The following CPNE9 variants were observed in gnomAD, a reference collection of about 807,000 sequenced individuals.
The protein encoded by CPNE9 is copine-9.
Under a neutral mutation model 83.0 loss-of-function variants are expected in CPNE9, and 59 were observed. That is an observed-to-expected ratio of 0.71 (90% CI 0.58 to 0.88). CPNE9 has a LOEUF of 0.88. CPNE9 is among the 40% of genes least tolerant of loss of function. CPNE9 has a pLI of 0.00. For missense variants in CPNE9, 619 were observed against 720.8 expected (o/e 0.86, Z 1.62); for synonymous variants, 256 against 273.4 (o/e 0.94, Z 0.63).
rs1219234003 is a variant in CPNE9, at chr3:9,705,498, C to A, written c.295C>A (p.Pro99Thr). 3 of 1,366,210 alleles carry A rather than the reference C, an allele frequency of 2.2e-6. No individual in the cohort carries two copies. Among genetic ancestry groups the A allele is most frequent in the African/African-American group, 3.1e-5 (2 of 64,564 alleles). 84.6% of individuals were successfully genotyped at this position (1,366,210 alleles called of 1,614,324 possible). A position where few individuals can be genotyped will look rare whatever the true frequency, so the allele number is the denominator to read the frequency against. Residue 99 changes from proline (P) to threonine (T), a missense_variant and splice_region_variant, in exon 5 of 21, where the codon CCG (proline) becomes ACG (threonine). By Grantham distance (38) the Pro-to-Thr change is conservative. This residue lies in a region of CPNE9 where 438 missense variants were observed against 562.9 expected (regional missense o/e 0.78). Coordinates refer to ENST00000383832, the MANE Select transcript of CPNE9 (RefSeq NM_153635.3). The part of the protein sequence containing the change: ...NVDSKTNISK[P>T]KDFLGQAFLA... Reference sequence around the variant, plus strand: ...GGACTCCAAAACCAACATCTCCAAACCGGTGAGCAAACGTTTCCTCGAGGG... The same window carrying A: ...GGACTCCAAAACCAACATCTCCAAAACGGTGAGCAAACGTTTCCTCGAGGG...
intron 17 of CPNE9, among the ~76,000 whole-genome samples, chr3:9,724,336 G>C (rs1171602747): frequency 6.6e-6 from 1 of 152,142 alleles, no homozygotes; most frequent in African/African-American, 2.4e-5. Flanking sequence ...ATTGGCAGGG[G>C]GAGGACTGCA....
At chr3:9,717,216 C>A in intron 15 of CPNE9, 112 bp downstream of exon 15, 1 of 1,170,890 alleles carries the variant, frequency 8.5e-7, no homozygotes, top group Non-Finnish European at 1.3e-6. Context: ...CCCAAGAAGC[C>A]CAAACTTAGG....
Position 9,718,556 on chromosome 3 carries a change from C to G in CPNE9, c.1195C>G (p.Leu399Val). The change falls in exon 17 of 21, where the codon CTC becomes GTC. Residue 399 changes from leucine (L) to valine (V), a missense_variant. By Grantham distance (32) the Leu-to-Val change is conservative. Around this residue, in one of 3 missense-constraint regions of CPNE9, gnomAD observed 438 missense variants for 562.9 expected, o/e 0.78. Transcript: ENST00000383832. ...TTTCCAGAGCCTGCGCACAGTGCAGCTCTATGGGCCCACCTACTTTGCTCC... is the reference window on the plus strand; with the variant it reads ...TTTCCAGAGCCTGCGCACAGTGCAGGTCTATGGGCCCACCTACTTTGCTCC... ...SYFQSLRTVQ[L>V]YGPTYFAPVI... is the part of the protein sequence containing the mutation. 6.2e-7 allele frequency: 1 copy of G among 1,613,574 alleles called. No homozygotes were observed. Among genetic ancestry groups the G allele is most frequent in the Non-Finnish European group, 8.5e-7 (1 of 1,179,764 alleles).
In CPNE9 at chr3:9,706,061, C is replaced by CA; in HGVS notation, c.376dup (p.Thr126AsnfsTer19). The CA allele has an allele frequency of 6.2e-7, 1 of 1,613,260 alleles. No individual in the cohort carries two copies. Among genetic ancestry groups the CA allele is most frequent in the Non-Finnish European group, 8.5e-7 (1 of 1,179,938 alleles). On this transcript the variant is annotated frameshift_variant and splice_region_variant, in exon 7 of 21. Transcript: ENST00000383832. LOFTEE classifies it high-confidence loss of function. ...AGGGCAGCCGAGTAGAGCGAACCCTCACGTAAGCTGAATAGGAAGGGGTGT... is the reference window on the plus strand; with the variant it reads ...AGGGCAGCCGAGTAGAGCGAACCCTCAACGTAAGCTGAATAGGAAGGGGTGT...
chr3:9,708,702 G>A (rs1195378780), intron 7 of CPNE9, among the ~76,000 whole-genome samples: 4 of 151,178 alleles, frequency 2.6e-5, no homozygotes, highest in Non-Finnish European at 2.9e-5. Flanking sequence ...GGGAGATCTC[G>A]GCTCACTGCA....
At chr3:9,705,586 T>A in intron 5 of CPNE9, 86 bp downstream of exon 5, 1 of 1,566,336 alleles carries the variant, frequency 6.4e-7, no homozygotes, top group Non-Finnish European at 8.8e-7. Flanking sequence ...CTCCCAACCC[T>A]CGACCCAGAC....
chr3:9,704,204 G>C lies in CPNE9; in HGVS notation c.68+140G>C. ...AAAATCACAGCTGATGACAGGGCGA[G>C]TAGCTGGTGGGATCGAGAAGCGGGG... On this transcript the variant is annotated intron_variant, in intron 1 of 20. Transcript: ENST00000383832. This position sits in a 1 kb window ranked among gnomAD's most constrained non-coding sequence, Gnocchi z 7.1. 1.2e-6 allele frequency: 1 copy of C among 804,174 alleles called. No individual in the cohort carries two copies. Among genetic ancestry groups the C allele is most frequent in the South Asian group, 1.7e-5 (1 of 58,240 alleles). 49.8% of individuals were successfully genotyped at this position (804,174 alleles called of 1,614,324 possible). A position where few individuals can be genotyped will look rare whatever the true frequency, so the allele number is the denominator to read the frequency against.
intron 7 of CPNE9, among the ~76,000 whole-genome samples, chr3:9,711,822 TAA>T: frequency 6.6e-6 from 1 of 152,272 alleles, no homozygotes; most frequent in Middle Eastern, 3.4e-3. Context: ...CAGGAAAGGA[TAA>T]AGTTTCCCTT....
rs1041224295 is a variant in CPNE9, at chr3:9,704,448, G to A, written c.69-139G>A. ...GTGCTGTCCAGAGTGCTGACAGAGC[G>A]GACCCCGGCTGGGGGTAGCCATGGG... On this transcript the variant is annotated intron_variant, in intron 1 of 20. Coordinates refer to ENST00000383832, the MANE Select transcript of CPNE9 (RefSeq NM_153635.3). This position sits in a 1 kb window ranked among gnomAD's most constrained non-coding sequence, Gnocchi z 7.1. 8.8e-6 allele frequency: 7 copies of A among 794,688 alleles called. No homozygotes were observed. Among genetic ancestry groups the A allele is most frequent in the South Asian group, 7.0e-5 (5 of 71,378 alleles). The allele number at this position is 794,688 out of a possible 1,614,324, so 49.2% of individuals were successfully genotyped here.
chr3:9,716,932 C>T, intron 14 of CPNE9, 126 bp from the exon 15 acceptor site: 1 of 972,096 alleles, frequency 1.0e-6, no homozygotes, highest in East Asian at 2.5e-5. Flanking sequence ...TCTACCCAGA[C>T]CATCTGGATC....
intron 7 of CPNE9, among the ~76,000 whole-genome samples, chr3:9,707,352 CAAAAAAAAAAAAAA>C (rs779965477): frequency 2.0e-5 from 1 of 50,976 alleles, no homozygotes; most frequent in Non-Finnish European, 3.5e-5. Flanking sequence ...GATTCTGTCT[CAAAAAAAAAAAAAA>C]AAAAAAAAAG....
rs1466863357 is a variant in CPNE9, at chr3:9,724,831, A to G, written c.1242-1118A>G. The stretch of plus-strand genomic sequence containing the variant: ...GAATGCAGTGGTGTGATCTCGGCTC[A>G]CTGCAACCTCTGCCTGCTGGGTTCA... On this transcript the variant is annotated intron_variant, in intron 17 of 20. Transcript: ENST00000383832. Among the ~76,000 whole-genome samples the G allele has an allele frequency of 3.3e-5, 5 of 151,476 alleles. No individual in the cohort carries two copies. The East Asian group carries it at 9.8e-4, about 30-fold the overall frequency.
chr3:9,706,057 C>T lies in CPNE9; in HGVS notation c.371C>T (p.Thr124Ile), dbSNP rs2076561019. 2 of 1,613,290 alleles carry T rather than the reference C, an allele frequency of 1.2e-6. No individual in the cohort carries two copies. The highest frequency in any genetic ancestry group is 2.7e-5 in the African/African-American group (2 of 74,874). ...IGGQGSRVER[T>I]LTGVPGKKCG... ...GGCCAGGGCAGCCGAGTAGAGCGAA[C>T]CCTCACGTAAGCTGAATAGGAAGGG... The change falls in exon 7 of 21, where the codon ACC becomes ATC. Residue 124 changes from threonine to isoleucine, a missense_variant. Transcript: ENST00000383832.
At chr3:9,710,166 T>C (rs1468937758) in intron 7 of CPNE9, among the ~76,000 whole-genome samples, 1 of 151,698 alleles carries the variant, frequency 6.6e-6, no homozygotes, top group African/African-American at 2.4e-5. Flanking sequence ...AAAGGGAAAA[T>C]TATACTACAT....
At chr3:9,705,434 C>CCCCCCCCCCA in intron 4 of CPNE9, 30 bp from the exon 5 acceptor site, 1 of 1,382,374 alleles carries the variant, frequency 7.2e-7, no homozygotes, top group Non-Finnish European at 1.0e-6. Context: ...CACCCAGCCC[C>CCCCCCCCCCA]ACCCCACACC....
At chr3:9,724,806 G>T (rs539280131) in intron 17 of CPNE9, among the ~76,000 whole-genome samples, 3 of 152,228 alleles carry the variant, frequency 2.0e-5, no homozygotes, top group African/African-American at 7.2e-5. Flanking sequence ...ACCCAGGCTG[G>T]AATGCAGTGG....
Position 9,706,010 on chromosome 3 carries a change from G to A in CPNE9, c.324G>A (p.Leu108=), listed in dbSNP as rs1459178929. 11 of 1,613,522 alleles carry A rather than the reference G, an allele frequency of 6.8e-6. No homozygotes were observed. Among genetic ancestry groups the A allele is most frequent in the Non-Finnish European group, 9.3e-6 (11 of 1,180,010 alleles). The change falls in exon 7 of 21, where the codon CTG becomes CTA. Residue 108 remains leucine, a synonymous_variant. Transcript: ENST00000383832. ...AGGATTTCCTGGGACAAGCGTTCCT[G>A]GCCCTGGGAGAGGTGATTGGAGGCC... ...KPKDFLGQAF[L]ALGEVIGGQG... is the part of the protein sequence containing the mutation.
intron 7 of CPNE9, among the ~76,000 whole-genome samples, chr3:9,709,271 A>G (rs1440097503): frequency 6.2e-5 from 9 of 144,786 alleles, no homozygotes; most frequent in Admixed American, 2.0e-4. Flanking sequence ...GGGAGACTCC[A>G]TCTCAAAAAA....
At position 9,704,028 on chromosome 3, in the gene CPNE9, T is replaced by C. The variant is rs2125456904; in HGVS notation, c.32T>C (p.Val11Ala). MSLGGASERSVPATKIEITVS... is the reference protein window; with the variant it reads MSLGGASERSAPATKIEITVS... ...CTCGGCGGAGCCTCCGAGCGCAGCGTCCCGGCCACCAAGATTGAAATTACC... is the reference window on the plus strand; with the variant it reads ...CTCGGCGGAGCCTCCGAGCGCAGCGCCCCGGCCACCAAGATTGAAATTACC... Residue 11 changes from valine to alanine, a missense_variant, in exon 1 of 21, where the codon GTC becomes GCC. Val to Ala is a moderately conservative substitution (Grantham distance 64). This residue lies in a region of CPNE9 where 130 missense variants were observed against 117.5 expected (regional missense o/e 1.11). Coordinates refer to ENST00000383832, the MANE Select transcript of CPNE9 (RefSeq NM_153635.3). This position sits in a 1 kb window ranked among gnomAD's most constrained non-coding sequence, Gnocchi z 7.1. 1 of 1,608,500 alleles carries C rather than the reference T, an allele frequency of 6.2e-7. No individual in the cohort carries two copies. The highest frequency in any genetic ancestry group is 1.1e-5 in the South Asian group (1 of 90,212).
Sources: gnomAD v4.1 joint callset for allele counts (sites outside exome capture counted in the v4.1 genomes callset) on GRCh38, gnomAD v4.1.1 for gene constraint, gnomAD v4.1.1 regional missense constraint, Gnocchi (gnomAD v3.1) non-coding constraint, MANE v1.5 for transcripts, NCBI Gene and HGNC (gene_info 2026-07-23, HGNC 2026-07-21) for gene names.